Variants in UMAD1 observed in about 807,000 individuals in gnomAD.
The protein encoded by UMAD1 is UBAP1-MVB12-associated (UMA) domain containing 1.
Under a neutral mutation model 6.1 loss-of-function variants are expected in UMAD1, and 8 were observed. The observed-to-expected ratio is 1.30, with a 90% CI of 0.76 to 2.35. The LOEUF is 2.35. UMAD1 is among the 30% of genes most tolerant of loss of function. UMAD1 has a pLI of 0.00. For synonymous variants in UMAD1, 56 were observed against 31.4 expected (o/e 1.78, Z -2.61); for missense variants, 130 against 78.4 (o/e 1.66, Z -2.49).
chr7:7,858,265 T>A (rs893001490), intron 3 of UMAD1, among the ~76,000 whole-genome samples: 1 of 152,216 alleles, frequency 6.6e-6, no homozygotes, highest in Non-Finnish European at 1.5e-5. Context: ...TAACAGCTAA[T>A]ATAATTTATT....
rs144315932 is a variant in UMAD1, at chr7:7,688,440, T to C, written c.82+14987T>C. On this transcript the variant is annotated intron_variant, in intron 2 of 3. Coordinates refer to ENST00000682710, the MANE Select transcript of UMAD1 (RefSeq NM_001302348.2). ...GATTATTTGCTCATGGTTTGCCTTT[T>C]CACTGATTATCCGAATCCAAGGTGT... Among the ~76,000 whole-genome samples the C allele has an allele frequency of 4.1e-3, 618 of 152,298 alleles. 3 individuals carry two copies. Among genetic ancestry groups the C allele is most frequent in the African/African-American group, 0.014 (595 of 41,564 alleles).
At chr7:7,822,756 T>C (rs1249000914) in intron 3 of UMAD1, among the ~76,000 whole-genome samples, 1 of 152,148 alleles carries the variant, frequency 6.6e-6, no homozygotes, top group Non-Finnish European at 1.5e-5. Context: ...ATTCCAGAGA[T>C]GCCCCTGTCA....
intron 1 of UMAD1, among the ~76,000 whole-genome samples, chr7:7,653,585 G>A (rs532005084): frequency 1.0e-3 from 154 of 152,312 alleles, no homozygotes; most frequent in African/African-American, 3.5e-3. Flanking sequence ...TCACAGAGGA[G>A]TTACAACACA....
At chr7:7,734,338 C>T (rs573495104) in intron 2 of UMAD1, among the ~76,000 whole-genome samples, 45 of 152,018 alleles carry the variant, frequency 3.0e-4, no homozygotes, top group Middle Eastern at 3.4e-3. Flanking sequence ...GGTTCCTGTG[C>T]CTTGGTGTTG....
At chr7:7,812,056 C>A (rs769098300) in intron 3 of UMAD1, among the ~76,000 whole-genome samples, 1 of 152,050 alleles carries the variant, frequency 6.6e-6, no homozygotes, top group Non-Finnish European at 1.5e-5. Context: ...TTTTTGTTAC[C>A]ACAACATCTG....
chr7:7,814,234 T>C (rs1193929895), intron 3 of UMAD1, among the ~76,000 whole-genome samples: 1 of 152,230 alleles, frequency 6.6e-6, no homozygotes, highest in African/African-American at 2.4e-5. Flanking sequence ...TCCGCCTGCC[T>C]CAGCCTCCTG....
intron 2 of UMAD1, among the ~76,000 whole-genome samples, chr7:7,778,286 G>C (rs1782266785): frequency 6.6e-6 from 1 of 151,138 alleles, no homozygotes; most frequent in Admixed American, 6.7e-5. Context: ...GAGAGAGAGA[G>C]AGAGAGAGAG....
intron 2 of UMAD1, among the ~76,000 whole-genome samples, chr7:7,727,967 T>TTA (rs145454946): frequency 0.046 from 7,007 of 151,866 alleles, 198 homozygotes; most frequent in Middle Eastern, 0.085. Context: ...AATAAACTCT[T>TTA]TATATATATA....
chr7:7,659,135 G>A (rs774592391), intron 1 of UMAD1, among the ~76,000 whole-genome samples: 2 of 152,122 alleles, frequency 1.3e-5, no homozygotes, highest in Non-Finnish European at 2.9e-5. Flanking sequence ...GTATTGCTGT[G>A]GGATCAATGG....
Position 7,693,054 on chromosome 7 carries a change from TTA to T in UMAD1, c.82+19605_82+19606del, listed in dbSNP as rs111704869. 5.8e-3 allele frequency among the ~76,000 whole-genome samples: 889 copies of T among 152,338 alleles called. 11 individuals are homozygous for T. The highest frequency in any genetic ancestry group is 0.02 in the African/African-American group (844 of 41,584). On this transcript the variant is annotated intron_variant, in intron 2 of 3. Coordinates refer to ENST00000682710, the MANE Select transcript of UMAD1 (RefSeq NM_001302348.2). ...AATCTTTTTTCTTCCTGTTGATTAC[TTA>T]TATCTACTTCATTATTCTGTAATGA... is the stretch of plus-strand genomic sequence containing the variant.
intron 2 of UMAD1, among the ~76,000 whole-genome samples, chr7:7,687,537 G>A (rs1780067974): frequency 6.6e-6 from 1 of 152,110 alleles, no homozygotes; most frequent in African/African-American, 2.4e-5. Flanking sequence ...CAGACTGGAA[G>A]GCCGATCTAT....
chr7:7,819,752 C>A (rs1028747906), intron 3 of UMAD1, among the ~76,000 whole-genome samples: 7 of 152,196 alleles, frequency 4.6e-5, no homozygotes, highest in Admixed American at 2.0e-4. Flanking sequence ...CATTGCCTAA[C>A]TAAAACCTGT....
chr7:7,676,016 G>A, intron 2 of UMAD1: 1 of 396,586 alleles, frequency 2.5e-6, no homozygotes, highest in East Asian at 3.6e-5. Context: ...AAGTTTTGAT[G>A]GTATCAGTCA....
chr7:7,856,562 T>C (rs7796536), intron 3 of UMAD1, among the ~76,000 whole-genome samples: 3,188 of 152,324 alleles, frequency 0.021, 123 homozygotes, highest in African/African-American at 0.072. Context: ...AGATTTTGGA[T>C]GGCGACACCG....
chr7:7,801,056 G>A (rs1782789421), intron 2 of UMAD1, among the ~76,000 whole-genome samples: 1 of 152,168 alleles, frequency 6.6e-6, no homozygotes, highest in African/African-American at 2.4e-5. Context: ...GTGTGTTTGT[G>A]TCTATCCTGT....
intron 3 of UMAD1, among the ~76,000 whole-genome samples, chr7:7,837,116 G>A (rs1175164328): frequency 6.6e-6 from 1 of 151,968 alleles, no homozygotes; most frequent in African/African-American, 2.4e-5. Flanking sequence ...CAGAACTAAA[G>A]CTGATTTGTC....
intron 2 of UMAD1, among the ~76,000 whole-genome samples, chr7:7,761,282 C>T (rs1781884061): frequency 1.4e-5 from 2 of 147,234 alleles, no homozygotes; most frequent in African/African-American, 2.6e-5. Context: ...GGAGACTCAC[C>T]AGAGTCCAGG....
chr7:7,810,579 A>G lies in UMAD1; in HGVS notation c.156+8836A>G, dbSNP rs559092804. ...CTGCTATATAAAAACTATGCAGAAAAAGATGATGTAATACATAAAAACATT... is the reference window on the plus strand; with the variant it reads ...CTGCTATATAAAAACTATGCAGAAAGAGATGATGTAATACATAAAAACATT... On this transcript the variant is annotated intron_variant, in intron 3 of 3. Transcript: ENST00000682710. 2.2e-4 allele frequency among the ~76,000 whole-genome samples: 33 copies of G among 152,302 alleles called. 2 individuals are homozygous for G. In the South Asian group the frequency reaches 5.4e-3, roughly 25 times the overall value.
intron 3 of UMAD1, among the ~76,000 whole-genome samples, chr7:7,839,591 G>C (rs1053631715): frequency 6.6e-6 from 1 of 152,138 alleles, no homozygotes; most frequent in African/African-American, 2.4e-5. Context: ...TTTGTAAATA[G>C]GACTTACAAT....
Sources: allele counts gnomAD v4.1 joint callset (sites outside exome capture counted in the v4.1 genomes callset), GRCh38; gene constraint gnomAD v4.1.1; transcripts MANE v1.5; gene names NCBI Gene and HGNC (gene_info 2026-07-23, HGNC 2026-07-21).